N4BP2: variants seen among roughly 807,000 people sequenced by gnomAD.
N4BP2 encodes NEDD4-binding protein 2.
N4BP2 carries 91 observed loss-of-function variants against 152.8 expected under a neutral mutation model. The ratio of observed to expected loss-of-function variants is 0.60; its 90% CI spans 0.50 to 0.71. The LOEUF (loss-of-function observed/expected upper bound fraction) is 0.71. Ranked by LOEUF, N4BP2 falls within the 30% of genes least tolerant of loss-of-function variation. The probability of loss-of-function intolerance (pLI) is 0.00; values close to 1 mark genes in which losing one functional copy is unlikely to be tolerated. For missense variants in N4BP2, 1,923 were observed against 2,059.1 expected, an observed-to-expected ratio of 0.93 and a Z score of 1.28; for synonymous variants, 646 against 705.3, an observed-to-expected ratio of 0.92 and a Z score of 1.33.
chr4:40,118,630 G>T (rs1372751030), intron 8 of N4BP2, among the ~76,000 whole-genome samples: 3 of 152,014 alleles, frequency 2.0e-5, no homozygotes, highest in Non-Finnish European at 4.4e-5. Context: ...TTTACTTGAC[G>T]CTCGCTGCTA....
intron 2 of N4BP2, among the ~76,000 whole-genome samples, chr4:40,095,622 AAC>A (rs1209485129): frequency 6.6e-6 from 1 of 152,212 alleles, no homozygotes; most frequent in Non-Finnish European, 1.5e-5. Flanking sequence ...TAAATTTTAT[AAC>A]ACAATAGAAG....
rs530720544 is a variant in N4BP2 at position 40,137,097 on chromosome 4, A to T, written c.4785+15A>T. ...AAGAGAAAAAGGTATGGAGTTACTA[A>T]TTTTTTTTCTACAAGGGTAGATAAT... On this transcript the variant is annotated intron_variant, in intron 14 of 17. Coordinates refer to ENST00000261435, the MANE Select transcript of N4BP2 (RefSeq NM_018177.6). 4.2e-5 allele frequency: 66 copies of T among 1,587,652 alleles called. No individual in the cohort carries two copies. The African/African-American group carries it at 7.6e-4, about 18-fold the overall frequency.
chr4:40,186,670 C>G, the N4BP2 span, among the ~76,000 whole-genome samples: 1 of 152,194 alleles, frequency 6.6e-6, no homozygotes, highest in African/African-American at 2.4e-5. Flanking sequence ...TTTCACTTAA[C>G]AGTATATTGT....
At chr4:40,062,031 T>G (rs988241669) in intron 1 of N4BP2, among the ~76,000 whole-genome samples, 13 of 151,800 alleles carry the variant, frequency 8.6e-5, no homozygotes, top group Non-Finnish European at 1.2e-4. Flanking sequence ...TTGGTTTTAT[T>G]TATTTATTTA....
chr4:40,104,275 T>TTC (rs1716024920), intron 4 of N4BP2, among the ~76,000 whole-genome samples: 1 of 151,284 alleles, frequency 6.6e-6, no homozygotes. Flanking sequence ...TTTTTTTTTT[T>TTC]CCTTTTTCCA....
chr4:40,179,986 A>G, the N4BP2 span, among the ~76,000 whole-genome samples: 1 of 151,028 alleles, frequency 6.6e-6, no homozygotes, highest in East Asian at 1.9e-4. Flanking sequence ...CTGGTCTTGA[A>G]CTCCTGACCT....
the N4BP2 span, among the ~76,000 whole-genome samples, chr4:40,189,359 T>C: frequency 6.6e-6 from 1 of 152,124 alleles, no homozygotes; most frequent in Non-Finnish European, 1.5e-5. This position sits in a 1 kb window ranked among gnomAD's most constrained non-coding sequence, Gnocchi z 4.3. Flanking sequence ...CTTTCAAAGA[T>C]TCAGAGAAGA....
the N4BP2 span, among the ~76,000 whole-genome samples, chr4:40,174,681 C>T: frequency 5.3e-5 from 8 of 151,738 alleles, no homozygotes; most frequent in Admixed American, 1.3e-4. Flanking sequence ...GCGCACCTGT[C>T]ATCCCAGTTA....
intron 9 of N4BP2, among the ~76,000 whole-genome samples, 195 bp from the exon 10 acceptor site, chr4:40,122,932 G>A (rs1718068982): frequency 6.6e-6 from 1 of 152,210 alleles, no homozygotes; most frequent in Non-Finnish European, 1.5e-5. Context: ...TATAACTGCA[G>A]TAGTCAAGAA....
chr4:40,181,876 G>T, the N4BP2 span, among the ~76,000 whole-genome samples: 1 of 152,208 alleles, frequency 6.6e-6, no homozygotes, highest in Admixed American at 6.5e-5. Context: ...TTGAACCCAG[G>T]TGGCGGAGGT....
chr4:40,102,917 C>G lies in N4BP2; in HGVS notation c.1072C>G (p.Pro358Ala). 6.2e-7 allele frequency: 1 copy of G among 1,614,206 alleles called. No homozygotes were observed. Among genetic ancestry groups the G allele is most frequent in the Non-Finnish European group, 8.5e-7 (1 of 1,180,036 alleles). Residue 358 changes from proline to alanine, a missense_variant, in exon 4 of 18, where the codon CCA (proline) becomes GCA (alanine). Pro to Ala is a conservative substitution (Grantham distance 27). Transcript: ENST00000261435. ...APLPLLLPPP[P>A]PPPMWNPMIP... ...TCTCCCATTGCTGTTGCCTCCTCCG[C>G]CACCTCCACCGATGTGGAATCCAAT...
intron 2 of N4BP2, among the ~76,000 whole-genome samples, chr4:40,086,537 C>T (rs1397718238): frequency 2.0e-5 from 3 of 151,784 alleles, no homozygotes; most frequent in African/African-American, 7.2e-5. Flanking sequence ...GAGGTTTCAC[C>T]GTGTTGGTCA....
the N4BP2 span, among the ~76,000 whole-genome samples, chr4:40,173,060 C>T: frequency 6.6e-6 from 1 of 152,074 alleles, no homozygotes; most frequent in African/African-American, 2.4e-5. Context: ...CCCCATCCCT[C>T]TACCCCCAGC....
chr4:40,099,513 A>G (rs1715419555), intron 3 of N4BP2, among the ~76,000 whole-genome samples: 1 of 151,994 alleles, frequency 6.6e-6, no homozygotes, highest in Non-Finnish European at 1.5e-5. Flanking sequence ...GCCTCCCAAA[A>G]TGCTAGGATT....
At chr4:40,144,137 CAGG>C (rs1319216401) in intron 15 of N4BP2, among the ~76,000 whole-genome samples, 2 of 151,988 alleles carry the variant, frequency 1.3e-5, no homozygotes, top group African/African-American at 2.4e-5. Flanking sequence ...ATTCCAAAGG[CAGG>C]AGGAGAACAT....
rs142699854 is a variant in N4BP2, at chr4:40,136,062, A to G, written c.4647-882A>G. ...AATTTCATTCTACAGATAATATAGT[A>G]TCACCGTCAAGATATGACTGAATAA... On this transcript the variant is annotated intron_variant, in intron 13 of 17. Coordinates refer to ENST00000261435, the MANE Select transcript of N4BP2 (RefSeq NM_018177.6). Among the ~76,000 whole-genome samples, 361 of 152,300 alleles carry G rather than the reference A, an allele frequency of 2.4e-3. 1 individual carries two copies. Among genetic ancestry groups the G allele is most frequent in the African/African-American group, 8.2e-3 (341 of 41,572 alleles).
chr4:40,074,861 G>A (rs1712567525), intron 2 of N4BP2, among the ~76,000 whole-genome samples: 1 of 152,038 alleles, frequency 6.6e-6, no homozygotes, highest in Non-Finnish European at 1.5e-5. Flanking sequence ...ACAAAAATTA[G>A]TGGGACATGT....
intron 12 of N4BP2, among the ~76,000 whole-genome samples, chr4:40,128,973 A>G (rs17440042): frequency 0.064 from 9,793 of 152,274 alleles, 396 homozygotes; most frequent in Non-Finnish European, 0.085. Flanking sequence ...TCTTGATGTA[A>G]TAGGTGAACA....
chr4:40,142,592 A>G (rs1372680968), intron 14 of N4BP2, 81 bp from the exon 15 acceptor site: 3 of 908,418 alleles, frequency 3.3e-6, no homozygotes, highest in East Asian at 5.0e-5. Context: ...CCCAGTTTTC[A>G]TGTGCGTTTT....
Sources: gnomAD v4.1 joint callset for allele counts (sites outside exome capture counted in the v4.1 genomes callset) on GRCh38, gnomAD v4.1.1 for gene constraint, Gnocchi (gnomAD v3.1) non-coding constraint, MANE v1.5 for transcripts, NCBI Gene and HGNC (gene_info 2026-07-23, HGNC 2026-07-21) for gene names.